The following LYSMD3 variants were observed in gnomAD, a reference collection of about 807,000 sequenced individuals.
LYSMD3 encodes lysM and putative peptidoglycan-binding domain-containing protein 3.
A neutral mutation model predicts 26.1 loss-of-function variants in LYSMD3; 13 were observed. That is an observed-to-expected ratio of 0.50 (90% CI 0.32 to 0.79). The LOEUF (loss-of-function observed/expected upper bound fraction) is 0.79. Ranked by LOEUF, LYSMD3 falls within the 30% of genes least tolerant of loss-of-function variation. The probability of loss-of-function intolerance (pLI) is 0.03; values close to 1 mark genes in which losing one functional copy is unlikely to be tolerated. For missense variants in LYSMD3, 331 were observed against 362.5 expected (o/e 0.91, Z 0.71); for synonymous variants, 109 against 119.4 (o/e 0.91, Z 0.57).
Position 90,517,246 on chromosome 5 carries a change from G to C in LYSMD3, c.*1573C>G, listed in dbSNP as rs938544017. 4 of 151,976 alleles carry C rather than the reference G, an allele frequency of 2.6e-5. No individual in the cohort carries two copies. Among genetic ancestry groups the C allele is most frequent in the Non-Finnish European group, 5.9e-5 (4 of 67,858 alleles). The allele number at this position is 151,976 out of a possible 1,614,324, so 9.4% of individuals were successfully genotyped here. On this transcript the variant is annotated 3_prime_UTR_variant, in exon 3 of 3. Coordinates refer to ENST00000315948, the MANE Select transcript of LYSMD3 (RefSeq NM_198273.2). ...CTTCTTTGTCCTGTCTTTTCCTGAT[G>C]GTCTTCTCCTGAAAGTACATAAAAC...
At chr5:90,525,001 C>A in intron 2 of LYSMD3, 34 bp downstream of exon 2, 1 of 1,478,690 alleles carries the variant, frequency 6.8e-7, no homozygotes, top group South Asian at 1.4e-5. Flanking sequence ...CAAATAATTT[C>A]TTCTGAATTG....
Position 90,519,068 on chromosome 5 carries a change from T to C in LYSMD3, c.672A>G (p.Ile224Met). Residue 224 changes from isoleucine to methionine, a missense_variant, in exon 3 of 3, where the codon ATA becomes ATG. Coordinates refer to ENST00000315948, the MANE Select transcript of LYSMD3 (RefSeq NM_198273.2). Reference protein sequence around the residue: ...WGIGWWTAVVIMLIVGIITPV... With the variant: ...WGIGWWTAVVMMLIVGIITPV... ...GTGTTATTATACCTACTATCAACATTATCACTACAGCTGTCCACCACCCTA... is the reference window on the plus strand; with the variant it reads ...GTGTTATTATACCTACTATCAACATCATCACTACAGCTGTCCACCACCCTA... 1.2e-6 allele frequency: 2 copies of C among 1,614,106 alleles called. No homozygotes were observed. Among genetic ancestry groups the C allele is most frequent in the Non-Finnish European group, 1.7e-6 (2 of 1,179,976 alleles).
intron 2 of LYSMD3, among the ~76,000 whole-genome samples, chr5:90,519,944 T>C (rs790081): frequency 0.67 from 101,669 of 151,462 alleles, 34,816 homozygotes; most frequent in African/African-American, 0.79. Flanking sequence ...TAAGATGCAG[T>C]ATTATTTTAT....
Position 90,520,424 on chromosome 5 carries a change from A to C in LYSMD3, c.256-940T>G, listed in dbSNP as rs542761303. ...TGAAGCTTAGATTTCTGGTTTGGTC[A>C]ACTTGATGGACGATGGCATTCATTG... On this transcript the variant is annotated intron_variant, in intron 2 of 2. Coordinates refer to ENST00000315948, the MANE Select transcript of LYSMD3 (RefSeq NM_198273.2). 86 of 456,264 alleles carry C rather than the reference A, an allele frequency of 1.9e-4. 1 individual carries two copies. The highest frequency in any genetic ancestry group is 1.3e-3 in the South Asian group (86 of 64,574). 28.3% of individuals were successfully genotyped at this position (456,264 alleles called of 1,614,324 possible).
chr5:90,518,798 C>T lies in LYSMD3; in HGVS notation c.*21G>A, dbSNP rs745660531. The T allele has an allele frequency of 1.1e-5, 16 of 1,470,012 alleles. No individual in the cohort carries two copies. In the South Asian group the frequency reaches 1.8e-4, roughly 17 times the overall value. 91.1% of individuals were successfully genotyped at this position (1,470,012 alleles called of 1,614,324 possible). A position where few individuals can be genotyped will look rare whatever the true frequency, so the allele number is the denominator to read the frequency against. The stretch of plus-strand genomic sequence containing the variant: ...TTCCAGATGCACATGTGACCACTAA[C>T]ATTTGATTATGAGCTAATTGCTATG... On this transcript the variant is annotated 3_prime_UTR_variant, in exon 3 of 3. Transcript: ENST00000315948.
intron 1 of LYSMD3, among the ~76,000 whole-genome samples, chr5:90,528,614 A>C (rs1753281793): frequency 6.6e-6 from 1 of 152,236 alleles, no homozygotes. Flanking sequence ...CGAAGTGAAC[A>C]GACTGACCCA....
rs184484795 is a variant in LYSMD3, at chr5:90,527,292, A to G, written c.-11-1992T>C. 3.3e-5 allele frequency among the ~76,000 whole-genome samples: 5 copies of G among 152,296 alleles called. No individual in the cohort carries two copies. In the East Asian group the frequency reaches 9.6e-4, roughly 29 times the overall value. Reference sequence around the variant, plus strand: ...CTTTGAGTGCTGACATGAAGCCACAAATGGAAAATTCCACAACTGACGTTT... The same window carrying G: ...CTTTGAGTGCTGACATGAAGCCACAGATGGAAAATTCCACAACTGACGTTT... On this transcript the variant is annotated intron_variant, in intron 1 of 2. Transcript: ENST00000315948.
intron 2 of LYSMD3, among the ~76,000 whole-genome samples, chr5:90,519,917 C>CT (rs1210207280): frequency 6.6e-6 from 1 of 151,492 alleles, no homozygotes; most frequent in African/African-American, 2.4e-5. Flanking sequence ...TTTATCAAAA[C>CT]TAAGATGCCA....
intron 2 of LYSMD3, among the ~76,000 whole-genome samples, chr5:90,522,799 T>G (rs981691033): frequency 6.6e-6 from 1 of 152,230 alleles, no homozygotes; most frequent in African/African-American, 2.4e-5. Context: ...ACTTCGGAAA[T>G]AACTATGAAA....
chr5:90,524,746 C>T (rs1355155774), intron 2 of LYSMD3, among the ~76,000 whole-genome samples: 5 of 152,124 alleles, frequency 3.3e-5, no homozygotes, highest in Non-Finnish European at 7.4e-5. Flanking sequence ...CGCCTGCCAA[C>T]ACGCCCGGCT....
chr5:90,519,890 A>T (rs978346861), intron 2 of LYSMD3, among the ~76,000 whole-genome samples: 9 of 152,066 alleles, frequency 5.9e-5, no homozygotes, highest in Non-Finnish European at 1.2e-4. Flanking sequence ...AATGCTACCC[A>T]ACTAAAACTA....
intron 2 of LYSMD3, among the ~76,000 whole-genome samples, chr5:90,524,654 G>A (rs1753172981): frequency 6.6e-6 from 1 of 152,112 alleles, no homozygotes; most frequent in Admixed American, 6.5e-5. Context: ...GTGCAGTGGC[G>A]CGATCTCGGC....
chr5:90,526,217 G>A (rs940819025), intron 1 of LYSMD3, among the ~76,000 whole-genome samples: 5 of 152,158 alleles, frequency 3.3e-5, no homozygotes, highest in Admixed American at 3.3e-4. Context: ...TGCAATATAG[G>A]TTATGATTTT....
rs548610166 is a variant in LYSMD3, at chr5:90,529,492, G to T, written c.-56C>A. 4.4e-6 allele frequency: 2 copies of T among 456,674 alleles called. No individual in the cohort carries two copies. Among genetic ancestry groups the T allele is most frequent in the South Asian group, 3.1e-5 (2 of 64,568 alleles). 28.3% of individuals were successfully genotyped at this position (456,674 alleles called of 1,614,324 possible). A position where few individuals can be genotyped will look rare whatever the true frequency, so the allele number is the denominator to read the frequency against. On this transcript the variant is annotated 5_prime_UTR_variant, in exon 1 of 3. Transcript: ENST00000315948. ...GCACTCTGCGAGAAGATGGCCAAAA[G>T]GTCCGCCGCCGCCGCTGTCCCGGGT... is the stretch of plus-strand genomic sequence containing the variant.
In LYSMD3 at chr5:90,521,772, A is replaced by G. The variant is rs140989894; in HGVS notation, c.256-2288T>C. On this transcript the variant is annotated intron_variant, in intron 2 of 2. Transcript: ENST00000315948. ...CTATAATGACTTCTATGCTATGCCAACTTCCTTGGTTGCATTCAAGATTCC... is the reference window on the plus strand; with the variant it reads ...CTATAATGACTTCTATGCTATGCCAGCTTCCTTGGTTGCATTCAAGATTCC... 2.8e-3 allele frequency among the ~76,000 whole-genome samples: 430 copies of G among 152,112 alleles called. 5 individuals carry two copies. The highest frequency in any genetic ancestry group is 9.8e-3 in the African/African-American group (406 of 41,504).
At position 90,519,143 on chromosome 5, in the gene LYSMD3, AT is replaced by A. The variant is rs1753023846; in HGVS notation, c.596del (p.Asp199ValfsTer18). 2 of 1,614,096 alleles carry A rather than the reference AT, an allele frequency of 1.2e-6. No homozygotes were observed. The highest frequency in any genetic ancestry group is 1.7e-6 in the Non-Finnish European group (2 of 1,179,978). On this transcript the variant is annotated frameshift_variant, in exon 3 of 3. Transcript: ENST00000315948. LOFTEE classifies it high-confidence loss of function. ...GGTCTTTACGTTGAGTGTTTTTGTT[AT>A]CAGGTTCAAAACGCATTTGTTGTGC... The part of the protein sequence containing the change: ...LTAQQMRFEP[D>X]NKNTQRKDPY...
Position 90,529,261 on chromosome 5 carries a change from AG to A in LYSMD3, c.-12+186del, listed in dbSNP as rs1443509632. 35 of 368,086 alleles carry A rather than the reference AG, an allele frequency of 9.5e-5. No individual in the cohort carries two copies. The Admixed American group carries it at 1.1e-3, about 12-fold the overall frequency. 22.8% of individuals were successfully genotyped at this position (368,086 alleles called of 1,614,324 possible). A position where few individuals can be genotyped will look rare whatever the true frequency, so the allele number is the denominator to read the frequency against. On this transcript the variant is annotated intron_variant, in intron 1 of 2. Transcript: ENST00000315948. ...TCAGTTTCCCCGACAGTGTGACAAG[AG>A]GGCCTGGCAGGGCTGGTCTGGAAGT... is the stretch of plus-strand genomic sequence containing the variant.
At chr5:90,521,287 G>C (rs1263770735) in intron 2 of LYSMD3, among the ~76,000 whole-genome samples, 4 of 152,084 alleles carry the variant, frequency 2.6e-5, no homozygotes, top group Non-Finnish European at 5.9e-5. Flanking sequence ...ACTCAGAACA[G>C]TGATTTATGG....
intron 2 of LYSMD3, among the ~76,000 whole-genome samples, chr5:90,520,210 T>A (rs1448774331): frequency 6.6e-6 from 1 of 152,172 alleles, no homozygotes; most frequent in Non-Finnish European, 1.5e-5. Context: ...TATTATCCCA[T>A]CCACTGTGAG....
Sources: allele counts gnomAD v4.1 joint callset (sites outside exome capture counted in the v4.1 genomes callset), GRCh38; gene constraint gnomAD v4.1.1; transcripts MANE v1.5; gene names NCBI Gene and HGNC (gene_info 2026-07-23, HGNC 2026-07-21).